The following TAFA4 variants were observed in gnomAD, a reference collection of about 807,000 sequenced individuals.
TAFA4 encodes TAFA chemokine like family member 4.
Under a neutral mutation model 21.1 loss-of-function variants are expected in TAFA4, and 20 were observed. The observed-to-expected ratio is 0.95, with a 90% CI of 0.67 to 1.38. The LOEUF is 1.38. Ranked by LOEUF, TAFA4 falls within the 40% of genes most tolerant of loss-of-function variation. The pLI is 0.00. For synonymous variants in TAFA4, 71 were observed against 67.4 expected, an observed-to-expected ratio of 1.05 and a Z score of -0.26; for missense variants, 211 against 180.9, an observed-to-expected ratio of 1.17 and a Z score of -0.95.
chr3:68,921,535 G>A (rs181234135), intron 1 of TAFA4, among the ~76,000 whole-genome samples: 1 of 152,302 alleles, frequency 6.6e-6, no homozygotes, highest in East Asian at 1.9e-4. Flanking sequence ...GCAGGAGAAA[G>A]CAATAAGCCA....
intron 3 of TAFA4, among the ~76,000 whole-genome samples, chr3:68,787,612 T>A (rs1436447262): frequency 1.3e-5 from 2 of 152,166 alleles, no homozygotes; most frequent in Non-Finnish European, 2.9e-5. Flanking sequence ...TCAGAGCCCC[T>A]TGGCTCATCT....
chr3:68,828,279 G>A (rs1704300478), intron 3 of TAFA4, among the ~76,000 whole-genome samples: 1 of 152,146 alleles, frequency 6.6e-6, no homozygotes, highest in African/African-American at 2.4e-5. Context: ...GGTTACTGTA[G>A]CCTTGTAGTA....
chr3:68,909,816 T>C (rs569692321), intron 1 of TAFA4, among the ~76,000 whole-genome samples: 5 of 152,366 alleles, frequency 3.3e-5, no homozygotes, highest in African/African-American at 1.2e-4. Flanking sequence ...CACAGTTTCT[T>C]TGGGTCGGAA....
intron 3 of TAFA4, among the ~76,000 whole-genome samples, chr3:68,820,294 T>G (rs139798882): frequency 8.9e-4 from 136 of 152,316 alleles, no homozygotes; most frequent in South Asian, 1.7e-3. Context: ...ATAAGATATT[T>G]GTCAAATGAC....
intron 3 of TAFA4, among the ~76,000 whole-genome samples, chr3:68,767,939 T>A (rs1047157280): frequency 7.2e-6 from 1 of 139,220 alleles, no homozygotes; most frequent in Non-Finnish European, 1.5e-5. Context: ...GCTAAGGTTA[T>A]TTTCAGGTTA....
At chr3:68,865,652 A>G (rs1258583737) in intron 3 of TAFA4, among the ~76,000 whole-genome samples, 1 of 152,132 alleles carries the variant, frequency 6.6e-6, no homozygotes, top group African/African-American at 2.4e-5. Context: ...GCTTCATAGC[A>G]GTATGAAAAT....
chr3:68,759,789 C>G (rs1702727340), intron 3 of TAFA4, among the ~76,000 whole-genome samples: 1 of 152,140 alleles, frequency 6.6e-6, no homozygotes. Flanking sequence ...AGGAGGGAAA[C>G]TGGACAAAGC....
intron 3 of TAFA4, among the ~76,000 whole-genome samples, chr3:68,766,531 A>G (rs1368131630): frequency 6.8e-6 from 1 of 147,390 alleles, no homozygotes; most frequent in Non-Finnish European, 1.5e-5. Context: ...ATTTTTTAAT[A>G]GCTAAAATCA....
At chr3:68,837,051 A>G (rs967518763) in intron 3 of TAFA4, among the ~76,000 whole-genome samples, 3 of 152,264 alleles carry the variant, frequency 2.0e-5, no homozygotes, top group Admixed American at 1.3e-4. Flanking sequence ...TGACTGGGAC[A>G]CAAGCACACC....
At chr3:68,830,556 T>C (rs950109217) in intron 3 of TAFA4, among the ~76,000 whole-genome samples, 2 of 152,170 alleles carry the variant, frequency 1.3e-5, no homozygotes, top group Non-Finnish European at 2.9e-5. Context: ...TGAGAGACAG[T>C]TTGTTGTGAT....
chr3:68,824,381 C>T (rs1175975968), intron 3 of TAFA4, among the ~76,000 whole-genome samples: 1 of 152,168 alleles, frequency 6.6e-6, no homozygotes, highest in Non-Finnish European at 1.5e-5. Flanking sequence ...ACAGGCTGCC[C>T]ATGTTGCTTG....
At chr3:68,866,779 A>G (rs142726433) in intron 3 of TAFA4, among the ~76,000 whole-genome samples, 2,991 of 151,610 alleles carry the variant, frequency 0.02, 97 homozygotes, top group African/African-American at 0.069. Context: ...GTGTTGGACC[A>G]CAAAATGCAT....
chr3:68,773,303 T>C (rs990142642), intron 3 of TAFA4, among the ~76,000 whole-genome samples: 7 of 152,190 alleles, frequency 4.6e-5, no homozygotes, highest in Non-Finnish European at 7.4e-5. Context: ...TTATAAAAGA[T>C]ACACATCAGG....
chr3:68,879,809 A>C (rs2089595190), intron 3 of TAFA4, among the ~76,000 whole-genome samples: 1 of 152,198 alleles, frequency 6.6e-6, no homozygotes, highest in Non-Finnish European at 1.5e-5. Flanking sequence ...TGAACTTTCC[A>C]AACACAAGAC....
chr3:68,893,157 G>A (rs759037770), intron 1 of TAFA4, among the ~76,000 whole-genome samples: 17 of 152,140 alleles, frequency 1.1e-4, no homozygotes, highest in Middle Eastern at 3.4e-3. Flanking sequence ...GAATGTCTAA[G>A]GATTTTATTT....
At chr3:68,903,324 AT>A (rs2089862182) in intron 1 of TAFA4, among the ~76,000 whole-genome samples, 1 of 152,188 alleles carries the variant, frequency 6.6e-6, no homozygotes, top group African/African-American at 2.4e-5. Context: ...ACATCTTAAT[AT>A]TTATGAGCCT....
At chr3:68,907,543 T>G (rs1256375892) in intron 1 of TAFA4, among the ~76,000 whole-genome samples, 1 of 152,184 alleles carries the variant, frequency 6.6e-6, no homozygotes, top group Non-Finnish European at 1.5e-5. Context: ...ATACTAACAG[T>G]GACAGCAAGT....
chr3:68,732,926 G>T lies in TAFA4; in HGVS notation c.*216C>A. The stretch of plus-strand genomic sequence containing the variant: ...TGGGAATCCAGAGAGGATGTCAAAT[G>T]GGTGGTGGCTTGTGGTTATAATTCA... On this transcript the variant is annotated 3_prime_UTR_variant, in exon 6 of 6. Transcript: ENST00000295569. 3.6e-6 allele frequency: 2 copies of T among 553,978 alleles called. No individual in the cohort carries two copies. 34.3% of individuals were successfully genotyped at this position (553,978 alleles called of 1,614,324 possible). A position where few individuals can be genotyped will look rare whatever the true frequency, so the allele number is the denominator to read the frequency against.
At chr3:68,834,533 T>C (rs1704477153) in intron 3 of TAFA4, among the ~76,000 whole-genome samples, 1 of 152,172 alleles carries the variant, frequency 6.6e-6, no homozygotes, top group Admixed American at 6.5e-5. Context: ...ACTTGATCTT[T>C]ACCATCTTAT....
Sources: gnomAD v4.1 joint callset for allele counts (sites outside exome capture counted in the v4.1 genomes callset) on GRCh38, gnomAD v4.1.1 for gene constraint, MANE v1.5 for transcripts, NCBI Gene and HGNC (gene_info 2026-07-23, HGNC 2026-07-21) for gene names.